Variants in ERO1B observed in about 807,000 individuals in gnomAD.
The protein encoded by ERO1B is ERO1-like protein beta.
A neutral mutation model predicts 75.3 loss-of-function variants in ERO1B; 49 were observed. The observed-to-expected ratio is 0.65, with a 90% confidence interval of 0.52 to 0.83. The LOEUF (loss-of-function observed/expected upper bound fraction) is 0.83. Among genes scored for constraint, ERO1B ranks in the 40% least tolerant of loss-of-function variants. The pLI, the probability that ERO1B is intolerant of heterozygous loss-of-function variation, is 0.00. For synonymous variants in ERO1B, 191 were observed against 192.9 expected (o/e 0.99, Z 0.08); for missense variants, 512 against 560.1 (o/e 0.91, Z 0.87).
At chr1:236,241,502 C>T (rs73114911) in intron 6 of ERO1B, among the ~76,000 whole-genome samples, 10,445 of 152,046 alleles carry the variant, frequency 0.069, 743 homozygotes, top group East Asian at 0.39. Flanking sequence ...AAGATTGTGC[C>T]ATTGCACTCC....
At chr1:236,245,317 T>TAC (rs1664821716) in intron 5 of ERO1B, among the ~76,000 whole-genome samples, 2 of 20,814 alleles carry the variant, frequency 9.6e-5, no homozygotes, top group African/African-American at 1.7e-4. Flanking sequence ...TATATATATA[T>TAC]ATATACACAC....
At chr1:236,230,981 A>T in intron 9 of ERO1B, among the ~76,000 whole-genome samples, 1 of 151,642 alleles carries the variant, frequency 6.6e-6, no homozygotes, top group East Asian at 1.9e-4. Context: ...TAAATATCTG[A>T]AAACATAGGG....
chr1:236,230,932 T>TA (rs35701190), intron 9 of ERO1B, among the ~76,000 whole-genome samples: 74 of 147,134 alleles, frequency 5.0e-4, no homozygotes, highest in Non-Finnish European at 6.5e-4. Flanking sequence ...CTGCCTCTTT[T>TA]AAAAAAAAAA....
chr1:236,236,325 G>C lies in ERO1B; in HGVS notation c.579C>G (p.Thr193=). 1 of 1,613,896 alleles carries C rather than the reference G, an allele frequency of 6.2e-7. No homozygotes were observed. The highest frequency in any genetic ancestry group is 1.7e-4 in the Middle Eastern group (1 of 6,060). ...NPERYTGYKG[T]SAWRVWNSIY... is the part of the protein sequence containing the mutation. The stretch of plus-strand genomic sequence containing the variant: ...TGCTGTTCCACACTCTCCATGCAGA[G>C]GTCCCTTTATAGCCAGTGTAACGCT... Residue 193 remains threonine, a synonymous_variant, in exon 7 of 16, where the codon ACC becomes ACG. Coordinates refer to ENST00000354619, the MANE Select transcript of ERO1B (RefSeq NM_019891.4).
intron 4 of ERO1B, 96 bp from the exon 5 acceptor site, chr1:236,250,063 A>G (rs1664978876): frequency 3.1e-6 from 2 of 645,322 alleles, no homozygotes; most frequent in Non-Finnish European, 5.0e-6. Flanking sequence ...AATGATATAC[A>G]CTAAATATAC....
intron 3 of ERO1B, among the ~76,000 whole-genome samples, chr1:236,252,705 ATACT>A (rs1160216855): frequency 6.6e-6 from 1 of 152,182 alleles, no homozygotes; most frequent in Admixed American, 6.5e-5. Context: ...TTTAAACGAA[ATACT>A]TAATACATAT....
At chr1:236,281,459 G>A (rs1038640231) in intron 1 of ERO1B, 6 of 385,584 alleles carry the variant, frequency 1.6e-5, no homozygotes, top group African/African-American at 1.0e-4. Context: ...TCTTTTGACT[G>A]CCATTACCCG....
chr1:236,269,343 G>A (rs1363816579), intron 2 of ERO1B, among the ~76,000 whole-genome samples: 1 of 152,198 alleles, frequency 6.6e-6, no homozygotes. Flanking sequence ...GATTGCTGCT[G>A]CCTTTAAAGT....
intron 2 of ERO1B, among the ~76,000 whole-genome samples, chr1:236,258,434 A>C (rs552567813): frequency 6.6e-6 from 1 of 152,298 alleles, no homozygotes; most frequent in Admixed American, 6.5e-5. Flanking sequence ...AACCAAAAAT[A>C]CTATATCCAG....
At chr1:236,259,053 T>G (rs529830215) in intron 2 of ERO1B, among the ~76,000 whole-genome samples, 1 of 152,224 alleles carries the variant, frequency 6.6e-6, no homozygotes, top group Admixed American at 6.5e-5. Context: ...ATAGCTATAA[T>G]ACACTATACA....
At chr1:236,280,513 C>A (rs745865695) in intron 1 of ERO1B, among the ~76,000 whole-genome samples, 6 of 152,272 alleles carry the variant, frequency 3.9e-5, no homozygotes, top group Admixed American at 1.3e-4. Flanking sequence ...CAGATCCAAT[C>A]AATACATGTG....
intron 9 of ERO1B, among the ~76,000 whole-genome samples, 164 bp downstream of exon 9, chr1:236,232,664 T>C (rs1664436101): frequency 7.4e-6 from 1 of 135,718 alleles, no homozygotes; most frequent in African/African-American, 2.8e-5. Flanking sequence ...GATAACTTGA[T>C]ATATATAAAA....
chr1:236,219,803 T>C (rs1393659636), intron 15 of ERO1B, among the ~76,000 whole-genome samples: 3 of 152,076 alleles, frequency 2.0e-5, no homozygotes, highest in African/African-American at 7.2e-5. Context: ...GGAGAATCAC[T>C]TGAAGCCAGG....
At chr1:236,235,930 CTCTTT>C in intron 7 of ERO1B, 95 bp from the exon 8 acceptor site, 1 of 1,108,220 alleles carries the variant, frequency 9.0e-7, no homozygotes, top group African/African-American at 1.6e-5. Context: ...CCTCCCCACC[CTCTTT>C]TTTTTTTGAG....
chr1:236,260,664 C>CAAA (rs35701591), intron 2 of ERO1B, among the ~76,000 whole-genome samples: 323 of 127,216 alleles, frequency 2.5e-3, no homozygotes, highest in Non-Finnish European at 3.3e-3. Flanking sequence ...GAGTTGGTCT[C>CAAA]AAAAAAAAAA....
intron 4 of ERO1B, among the ~76,000 whole-genome samples, chr1:236,250,725 CAT>C (rs1188862840): frequency 2.0e-5 from 3 of 150,016 alleles, no homozygotes; most frequent in East Asian, 2.0e-4. Context: ...TACATACGTA[CAT>C]ATATATACAC....
At chr1:236,268,015 T>C (rs1440090636) in intron 2 of ERO1B, 1 of 152,126 alleles carries the variant, frequency 6.6e-6, no homozygotes, top group Non-Finnish European at 1.5e-5. Context: ...GTAAAATGCC[T>C]AGAGTAACAG....
intron 2 of ERO1B, among the ~76,000 whole-genome samples, chr1:236,263,765 T>C (rs1369914232): frequency 6.7e-6 from 1 of 149,576 alleles, no homozygotes; most frequent in Non-Finnish European, 1.5e-5. Context: ...TATTTTTTGT[T>C]TTATTTTGTT....
chr1:236,247,025 C>T (rs539571700), intron 5 of ERO1B, among the ~76,000 whole-genome samples: 1 of 152,096 alleles, frequency 6.6e-6, no homozygotes, highest in African/African-American at 2.4e-5. Flanking sequence ...TTTTAAAATC[C>T]AACCCAATGG....
Sources: allele counts gnomAD v4.1 joint callset (sites outside exome capture counted in the v4.1 genomes callset), GRCh38; gene constraint gnomAD v4.1.1; transcripts MANE v1.5; gene names NCBI Gene and HGNC (gene_info 2026-07-23, HGNC 2026-07-21).